The following EPHA5 variants were observed in gnomAD, a reference collection of about 807,000 sequenced individuals.
EPHA5 encodes the protein EPH receptor A5, also known as ephrin type-A receptor 5.
EPHA5 carries 60 observed loss-of-function variants against 105.0 expected under a neutral mutation model. The ratio of observed to expected loss-of-function variants is 0.57; its 90% confidence interval spans 0.46 to 0.71. EPHA5 has a LOEUF of 0.71. EPHA5 is among the 30% of genes least tolerant of loss of function. The pLI, the probability that EPHA5 is intolerant of heterozygous loss-of-function variation, is 0.00. For missense variants in EPHA5, 1,218 were observed against 1,274.7 expected (o/e 0.96, Z 0.68); for synonymous variants, 513 against 449.1 (o/e 1.14, Z -1.80).
intron 8 of EPHA5, among the ~76,000 whole-genome samples, chr4:65,378,074 C>T (rs1298061954): frequency 1.3e-5 from 2 of 151,842 alleles, no homozygotes; most frequent in Admixed American, 1.3e-4. Flanking sequence ...TTTGCAAACA[C>T]TAATGAAGAT....
chr4:65,401,355 T>C (rs2148982048), intron 8 of EPHA5, among the ~76,000 whole-genome samples: 1 of 152,158 alleles, frequency 6.6e-6, no homozygotes, highest in Non-Finnish European at 1.5e-5. Flanking sequence ...TTAAGTGAGA[T>C]AGAAAAAGTC....
At chr4:65,641,552 T>C (rs1019948585) in intron 2 of EPHA5, among the ~76,000 whole-genome samples, 2 of 152,222 alleles carry the variant, frequency 1.3e-5, no homozygotes, top group Non-Finnish European at 2.9e-5. Context: ...ATGTTTTTAC[T>C]ATCATTGTAT....
chr4:65,640,952 TC>T lies in EPHA5; in HGVS notation c.246+2410del, dbSNP rs369686436. Reference sequence around the variant, plus strand: ...TTCTGGTTGGCAAGCCTATTGTTTGTCCCAAATTTTATCTAGCCCCTCACAC... The same window carrying T: ...TTCTGGTTGGCAAGCCTATTGTTTGTCCAAATTTTATCTAGCCCCTCACAC... On this transcript the variant is annotated intron_variant, in intron 2 of 16. Coordinates refer to ENST00000613740, the MANE Select transcript of EPHA5 (RefSeq NM_001281766.3). Among the ~76,000 whole-genome samples the T allele has an allele frequency of 1.2e-4, 19 of 152,264 alleles. 1 individual carries two copies. Among genetic ancestry groups the T allele is most frequent in the African/African-American group, 4.6e-4 (19 of 41,554 alleles).
intron 7 of EPHA5, among the ~76,000 whole-genome samples, chr4:65,409,855 C>T (rs1005836279): frequency 6.6e-6 from 1 of 152,118 alleles, no homozygotes; most frequent in South Asian, 2.1e-4. Flanking sequence ...AATGAGATAT[C>T]ACTACCCACT....
chr4:65,574,514 T>C (rs1192567358), intron 3 of EPHA5, among the ~76,000 whole-genome samples: 2 of 148,076 alleles, frequency 1.4e-5, no homozygotes, highest in Non-Finnish European at 3.0e-5. Context: ...AAAATGTCAT[T>C]CCACATAATG....
In EPHA5 at chr4:65,319,870, T is replaced by C. The variant is rs961059913; in HGVS notation, c.*4244A>G. The stretch of plus-strand genomic sequence containing the variant: ...ATAAATGTAACTACTCACTTTTAAA[T>C]AATTGACTGTAAAACTACAGCAGCC... On this transcript the variant is annotated 3_prime_UTR_variant, in exon 17 of 17. Transcript: ENST00000613740. The C allele has an allele frequency of 4.4e-6, 1 of 229,790 alleles. No homozygotes were observed. Among genetic ancestry groups the C allele is most frequent in the Non-Finnish European group, 8.6e-6 (1 of 115,932 alleles). 14.2% of individuals were successfully genotyped at this position (229,790 alleles called of 1,614,324 possible).
intron 10 of EPHA5, among the ~76,000 whole-genome samples, chr4:65,365,687 A>ATG (rs1212251578): frequency 8.7e-6 from 1 of 114,422 alleles, no homozygotes; most frequent in Non-Finnish European, 2.0e-5. Flanking sequence ...ATATATATAT[A>ATG]TAGTGAAACA....
intron 1 of EPHA5, chr4:65,669,305 C>A (rs1329335612): frequency 7.2e-6 from 6 of 831,852 alleles, no homozygotes; most frequent in African/African-American, 3.7e-5. Flanking sequence ...AGGTTTTCCA[C>A]CTTCCCAGCC....
At chr4:65,564,868 C>A (rs1195734256) in intron 3 of EPHA5, among the ~76,000 whole-genome samples, 1 of 151,740 alleles carries the variant, frequency 6.6e-6, no homozygotes, top group Non-Finnish European at 1.5e-5. Flanking sequence ...ACTTGCATTT[C>A]TAATGCAAAG....
At chr4:65,576,262 T>C (rs1741044057) in intron 3 of EPHA5, among the ~76,000 whole-genome samples, 1 of 152,136 alleles carries the variant, frequency 6.6e-6, no homozygotes, top group Admixed American at 6.6e-5. Flanking sequence ...CTTTGGTTTC[T>C]AGAAACATGC....
rs34456844 is a variant in EPHA5 at position 65,637,569 on chromosome 4, C to CATATATATATATATATATATAT, written c.246+5772_246+5793dup. On this transcript the variant is annotated intron_variant, in intron 2 of 16. Transcript: ENST00000613740. ...TATATATACACAAATATGAGTTTTG[C>CATATATATATATATATATATAT]ATATATATATATATATATATATATA... 2.8e-4 allele frequency among the ~76,000 whole-genome samples: 32 copies of CATATATATATATATATATATAT among 112,428 alleles called. 2 individuals carry two copies. Among genetic ancestry groups the CATATATATATATATATATATAT allele is most frequent in the South Asian group, 6.1e-4 (2 of 3,292 alleles). 73.8% of individuals were successfully genotyped at this position (112,428 alleles called of 152,430 possible).
At chr4:65,328,012 G>A (rs1720245581) in intron 16 of EPHA5, among the ~76,000 whole-genome samples, 1 of 151,088 alleles carries the variant, frequency 6.6e-6, no homozygotes, top group East Asian at 2.0e-4. Context: ...AATGGTACAA[G>A]GTATGCATTT....
chr4:65,451,256 G>A lies in EPHA5; in HGVS notation c.1403-30691C>T, dbSNP rs529008643. On this transcript the variant is annotated intron_variant, in intron 5 of 16. Coordinates refer to ENST00000613740, the MANE Select transcript of EPHA5 (RefSeq NM_001281766.3). ...ATTTAAAAAAGAAATGAAAAAGGCCGTAACCATATTTGTTCTTACAATATG... is the reference window on the plus strand; with the variant it reads ...ATTTAAAAAAGAAATGAAAAAGGCCATAACCATATTTGTTCTTACAATATG... 1.4e-4 allele frequency among the ~76,000 whole-genome samples: 22 copies of A among 152,172 alleles called. No homozygotes were observed. In the South Asian group the frequency reaches 2.9e-3, roughly 20 times the overall value.
chr4:65,529,464 A>G (rs1196705245), intron 3 of EPHA5, among the ~76,000 whole-genome samples: 1 of 152,172 alleles, frequency 6.6e-6, no homozygotes, highest in Admixed American at 6.5e-5. Context: ...ATGCACACAC[A>G]CAAATACAAC....
chr4:65,354,467 A>G (rs1454310010), intron 11 of EPHA5, among the ~76,000 whole-genome samples: 1 of 151,760 alleles, frequency 6.6e-6, no homozygotes, highest in African/African-American at 2.4e-5. Flanking sequence ...TAATAGAAAC[A>G]TATGACATAA....
intron 3 of EPHA5, among the ~76,000 whole-genome samples, chr4:65,570,768 T>G (rs1268946430): frequency 6.6e-6 from 1 of 152,008 alleles, no homozygotes; most frequent in Non-Finnish European, 1.5e-5. Context: ...TTGTCATGAT[T>G]TTTACTGTCA....
At chr4:65,654,290 T>C (rs1355363028) in intron 1 of EPHA5, among the ~76,000 whole-genome samples, 1 of 151,934 alleles carries the variant, frequency 6.6e-6, no homozygotes, top group Non-Finnish European at 1.5e-5. Context: ...GATAGTTTTT[T>C]CTATTTGTAA....
At chr4:65,473,076 C>A (rs1330653719) in intron 5 of EPHA5, among the ~76,000 whole-genome samples, 1 of 152,178 alleles carries the variant, frequency 6.6e-6, no homozygotes, top group Non-Finnish European at 1.5e-5. Flanking sequence ...AATCTCTTTG[C>A]TAAAGCATAG....
chr4:65,457,648 A>C (rs1465885341), intron 5 of EPHA5, among the ~76,000 whole-genome samples: 1 of 151,724 alleles, frequency 6.6e-6, no homozygotes, highest in African/African-American at 2.4e-5. Flanking sequence ...TCTTTTTCTA[A>C]ATTATTACTT....
Sources: allele counts gnomAD v4.1 joint callset (sites outside exome capture counted in the v4.1 genomes callset), GRCh38; gene constraint gnomAD v4.1.1; transcripts MANE v1.5; gene names NCBI Gene and HGNC (gene_info 2026-07-23, HGNC 2026-07-21).